EDDM13: variants seen among roughly 807,000 people sequenced by gnomAD.
The protein encoded by EDDM13 is epididymal protein 13.
A neutral mutation model predicts 17.8 loss-of-function variants in EDDM13; 24 were observed. The ratio of observed to expected loss-of-function variants is 1.35; its 90% CI spans 0.98 to 1.90. EDDM13 has a LOEUF of 1.90. Among genes scored for constraint, EDDM13 ranks in the 40% most tolerant of loss-of-function variants. The pLI, the probability that EDDM13 is intolerant of heterozygous loss-of-function variation, is 0.00. For synonymous variants in EDDM13, 31 were observed against 37.5 expected (o/e 0.83, Z 0.63); for missense variants, 97 against 100.8 (o/e 0.96, Z 0.16).
intron 14 of EDDM13, among the ~76,000 whole-genome samples, chr19:56,308,190 C>T (rs891474258): frequency 2.6e-5 from 4 of 152,176 alleles, no homozygotes; most frequent in Non-Finnish European, 2.9e-5. Flanking sequence ...AGTGCCACCA[C>T]GCCCAGCTAA....
At chr19:56,284,324 A>C in intron 5 of EDDM13, 118 bp downstream of exon 5, 1 of 246,900 alleles carries the variant, frequency 4.1e-6, no homozygotes, top group Non-Finnish European at 6.5e-6. Context: ...TGGGTTTTAG[A>C]TGATAAAAAT....
At chr19:56,284,802 T>G (rs1173014319) in intron 5 of EDDM13, among the ~76,000 whole-genome samples, 196 bp from the exon 6 acceptor site, 1 of 152,184 alleles carries the variant, frequency 6.6e-6, no homozygotes, top group Non-Finnish European at 1.5e-5. Flanking sequence ...CCTGAGCCAC[T>G]GCGCCTGGCC....
At chr19:56,272,967 C>A (rs760727295) in intron 1 of EDDM13, 48 bp downstream of exon 1, 207 of 852,712 alleles carry the variant, frequency 2.4e-4, no homozygotes, top group Admixed American at 6.2e-4. Flanking sequence ...TTTCTTACAA[C>A]TTGGGAGGCT....
At chr19:56,302,355 T>C (rs2040305642) in intron 13 of EDDM13, among the ~76,000 whole-genome samples, 1 of 145,960 alleles carries the variant, frequency 6.9e-6, no homozygotes, top group Non-Finnish European at 1.5e-5. Flanking sequence ...TCTTCCTTTT[T>C]TCTTCCCTCC....
rs949814508 is a variant in EDDM13, at chr19:56,272,929, C to T, written c.85+10C>T. On this transcript the variant is annotated intron_variant, in intron 1 of 14. Coordinates refer to ENST00000649256, the MANE Select transcript of EDDM13 (RefSeq NM_001354658.2). Reference sequence around the variant, plus strand: ...TGTACTCCTCGTGAAGGTAATGCTTCCAGCCATGCCTTGTGTCCTCTATGT... The same window carrying T: ...TGTACTCCTCGTGAAGGTAATGCTTTCAGCCATGCCTTGTGTCCTCTATGT... The T allele has an allele frequency of 1.0e-6, 1 of 980,266 alleles. No individual in the cohort carries two copies. The highest frequency in any genetic ancestry group is 1.2e-6 in the Non-Finnish European group (1 of 825,364). The allele number at this position is 980,266 out of a possible 1,614,324, so 60.7% of individuals were successfully genotyped here.
At chr19:56,275,500 G>A (rs1444663209) in intron 1 of EDDM13, among the ~76,000 whole-genome samples, 1 of 152,204 alleles carries the variant, frequency 6.6e-6, no homozygotes, top group Non-Finnish European at 1.5e-5. Flanking sequence ...GGAGGCCAAC[G>A]CAAGAGGATC....
chr19:56,299,473 G>C (rs555956352), intron 12 of EDDM13, among the ~76,000 whole-genome samples: 1 of 152,090 alleles, frequency 6.6e-6, no homozygotes, highest in Non-Finnish European at 1.5e-5. Flanking sequence ...AGCTAGCTAG[G>C]AGTAGAGAGA....
intron 6 of EDDM13, among the ~76,000 whole-genome samples, chr19:56,285,263 T>C (rs1002635569): frequency 6.6e-6 from 1 of 152,226 alleles, no homozygotes; most frequent in African/African-American, 2.4e-5. Flanking sequence ...ATAAATAGCA[T>C]ATGCACATGG....
chr19:56,275,001 T>C (rs929166531), intron 1 of EDDM13: 2 of 152,232 alleles, frequency 1.3e-5, no homozygotes, highest in East Asian at 1.9e-4. Flanking sequence ...ATTGAGACTA[T>C]GCATTTAGGG....
intron 2 of EDDM13, among the ~76,000 whole-genome samples, chr19:56,277,544 G>T (rs182934382): frequency 6.6e-6 from 1 of 151,812 alleles, no homozygotes; most frequent in Non-Finnish European, 1.5e-5. Flanking sequence ...AGGGGTGGGG[G>T]AATTTAGAGA....
chr19:56,301,121 A>C (rs1345883138), intron 12 of EDDM13, among the ~76,000 whole-genome samples: 3 of 152,180 alleles, frequency 2.0e-5, no homozygotes, highest in African/African-American at 7.2e-5. Flanking sequence ...CTCGTGCAAG[A>C]AAGAATTTGA....
At chr19:56,303,005 G>A in intron 13 of EDDM13, 1 of 397,094 alleles carries the variant, frequency 2.5e-6, no homozygotes, top group Non-Finnish European at 4.4e-6. Context: ...GGAGGCAGTG[G>A]CGCTTATCTC....
At chr19:56,284,505 T>G (rs11672220) in intron 5 of EDDM13, among the ~76,000 whole-genome samples, 56,851 of 140,304 alleles carry the variant, frequency 0.41, 12,981 homozygotes, top group Non-Finnish European at 0.53. Context: ...CAAGTGATGC[T>G]TGCTGTAATT....
At chr19:56,288,536 T>G (rs1172987815) in intron 7 of EDDM13, among the ~76,000 whole-genome samples, 98 bp downstream of exon 7, 2 of 152,220 alleles carry the variant, frequency 1.3e-5, no homozygotes, top group African/African-American at 4.8e-5. Context: ...GCTTTTGCTG[T>G]CTGCTTCTCT....
intron 2 of EDDM13, among the ~76,000 whole-genome samples, chr19:56,276,911 A>T (rs932028775): frequency 6.6e-6 from 1 of 152,002 alleles, no homozygotes; most frequent in Non-Finnish European, 1.5e-5. Flanking sequence ...ATATTTACAA[A>T]TATTATAAAT....
chr19:56,298,913 C>T (rs1201900817), intron 12 of EDDM13, among the ~76,000 whole-genome samples: 3 of 152,196 alleles, frequency 2.0e-5, no homozygotes, highest in Non-Finnish European at 4.4e-5. Flanking sequence ...CAATCTTCCT[C>T]ATAAATATAG....
intron 13 of EDDM13, among the ~76,000 whole-genome samples, chr19:56,302,580 C>CTT (rs2040376908): frequency 1.3e-5 from 1 of 77,684 alleles, no homozygotes; most frequent in Admixed American, 1.3e-4. Context: ...TTTCTTCCTC[C>CTT]CCCTTTTCTT....
At chr19:56,301,661 G>C (rs1474661735) in intron 12 of EDDM13, among the ~76,000 whole-genome samples, 2 of 152,090 alleles carry the variant, frequency 1.3e-5, no homozygotes, top group Non-Finnish European at 2.9e-5. Flanking sequence ...TATTCAAGAC[G>C]GAGTCACTCT....
rs117904771 is a variant in EDDM13 at position 56,304,083 on chromosome 19, A to C, written c.424-710A>C. On this transcript the variant is annotated intron_variant, in intron 13 of 14. Coordinates refer to ENST00000649256, the MANE Select transcript of EDDM13 (RefSeq NM_001354658.2). Reference sequence around the variant, plus strand: ...AAGATCCCTTCTGAGTTATCAAAGGATCCTTCTCAATGCTGCCTGTGGAGA... The same window carrying C: ...AAGATCCCTTCTGAGTTATCAAAGGCTCCTTCTCAATGCTGCCTGTGGAGA... Among the ~76,000 whole-genome samples the C allele has an allele frequency of 2.6e-3, 390 of 152,258 alleles. 2 individuals are homozygous for C. The highest frequency in any genetic ancestry group is 3.9e-3 in the Non-Finnish European group (264 of 68,012).
Sources: gnomAD v4.1 joint callset for allele counts (sites outside exome capture counted in the v4.1 genomes callset) on GRCh38, gnomAD v4.1.1 for gene constraint, MANE v1.5 for transcripts, NCBI Gene and HGNC (gene_info 2026-07-23, HGNC 2026-07-21) for gene names.